Variants in GSDMC observed in about 807,000 individuals in gnomAD.
GSDMC encodes gasdermin-C.
In GSDMC, 59 loss-of-function variants were observed where a neutral mutation model predicts 58.0. The observed-to-expected ratio is 1.02, with a 90% CI of 0.82 to 1.26. The LOEUF is 1.26. Ranked by LOEUF, GSDMC falls within the 50% of genes most tolerant of loss-of-function variation. The probability of loss-of-function intolerance (pLI) is 0.00; values close to 1 mark genes in which losing one functional copy is unlikely to be tolerated. For missense variants in GSDMC, 659 were observed against 598.5 expected, an observed-to-expected ratio of 1.10 and a Z score of -1.06; for synonymous variants, 241 against 220.2, an observed-to-expected ratio of 1.09 and a Z score of -0.83.
the GSDMC span, among the ~76,000 whole-genome samples, chr8:129,717,460 C>T: frequency 6.6e-6 from 1 of 151,858 alleles, no homozygotes; most frequent in East Asian, 1.9e-4. Flanking sequence ...TACCAGCTTA[C>T]AAGGGATGTG....
intron 7 of GSDMC, among the ~76,000 whole-genome samples, chr8:129,752,457 G>T (rs1416733969): frequency 1.3e-5 from 2 of 152,196 alleles, no homozygotes; most frequent in African/African-American, 2.4e-5. Flanking sequence ...CTGGGGGAAT[G>T]TTCTCTGTGG....
the GSDMC span, among the ~76,000 whole-genome samples, chr8:129,736,673 A>C: frequency 6.6e-6 from 1 of 152,236 alleles, no homozygotes; most frequent in African/African-American, 2.4e-5. Context: ...ACAAACCCAC[A>C]GCCAATATCA....
chr8:129,741,915 A>ACTAT, the GSDMC span, among the ~76,000 whole-genome samples: 1 of 126,272 alleles, frequency 7.9e-6, no homozygotes, highest in East Asian at 2.6e-4. Flanking sequence ...AAGAAAATGT[A>ACTAT]ATATATATAT....
the GSDMC span, among the ~76,000 whole-genome samples, chr8:129,716,408 GCTCT>G: frequency 2.6e-5 from 4 of 152,128 alleles, no homozygotes; most frequent in African/African-American, 9.6e-5. Flanking sequence ...TCATGATTTG[GCTCT>G]CTGTTTGTCT....
At chr8:129,762,179 G>C (rs1339652485) in intron 5 of GSDMC, among the ~76,000 whole-genome samples, 4 of 152,154 alleles carry the variant, frequency 2.6e-5, no homozygotes. Context: ...TCTGACTTAT[G>C]TTCTTAGGAC....
At position 129,786,048 on chromosome 8, in the gene GSDMC, G is replaced by A. The variant is rs2034546238; in HGVS notation, c.-42C>T. 6.6e-6 allele frequency: 1 copy of A among 152,162 alleles called. No individual in the cohort carries two copies. The highest frequency in any genetic ancestry group is 1.5e-5 in the Non-Finnish European group (1 of 68,080). The allele number at this position is 152,162 out of a possible 1,614,324, so 9.4% of individuals were successfully genotyped here. On this transcript the variant is annotated 5_prime_UTR_variant, in exon 1 of 14. Transcript: ENST00000276708. ...CCCTTTGTCCTGTAGAGAAATAGCA[G>A]GATTGGCCGGGCACGGTGGCTCACG... is the stretch of plus-strand genomic sequence containing the variant.
the GSDMC span, among the ~76,000 whole-genome samples, chr8:129,721,601 GAT>G: frequency 0.37 from 55,876 of 151,884 alleles, 13,836 homozygotes; most frequent in East Asian, 0.71. Context: ...CTCTCATAAA[GAT>G]AATAATTTGT....
At chr8:129,725,396 T>G in the GSDMC span, among the ~76,000 whole-genome samples, 6 of 152,204 alleles carry the variant, frequency 3.9e-5, no homozygotes, top group African/African-American at 1.2e-4. Context: ...GAGTTGATAT[T>G]GTGTACTCTG....
chr8:129,762,506 C>T, intron 5 of GSDMC, 120 bp downstream of exon 5: 1 of 725,326 alleles, frequency 1.4e-6, no homozygotes, highest in Non-Finnish European at 2.5e-6. Context: ...GCATGCTTCT[C>T]CTTGGATAGG....
chr8:129,743,382 T>C (rs1229916738), downstream of GSDMC, among the ~76,000 whole-genome samples: 1 of 152,212 alleles, frequency 6.6e-6, no homozygotes, highest in Non-Finnish European at 1.5e-5. Context: ...AGTGTATTTT[T>C]ATTTCACACA....
intron 3 of GSDMC, among the ~76,000 whole-genome samples, chr8:129,771,640 A>G (rs1227148665): frequency 2.0e-5 from 3 of 152,006 alleles, no homozygotes; most frequent in African/African-American, 4.8e-5. Context: ...ATCAAAACTT[A>G]TGGGATACAA....
intron 1 of GSDMC, among the ~76,000 whole-genome samples, chr8:129,779,412 A>G (rs1261024874): frequency 6.6e-6 from 1 of 152,134 alleles, no homozygotes; most frequent in African/African-American, 2.4e-5. Context: ...GAGAACACAT[A>G]GACTCATGGA....
At chr8:129,728,000 C>G in the GSDMC span, among the ~76,000 whole-genome samples, 17 of 152,144 alleles carry the variant, frequency 1.1e-4, no homozygotes, top group Non-Finnish European at 2.4e-4. Context: ...GCAGGGCCCT[C>G]TCCACTCCAC....
chr8:129,757,716 G>A (rs2033497135), intron 6 of GSDMC, among the ~76,000 whole-genome samples: 1 of 152,064 alleles, frequency 6.6e-6, no homozygotes, highest in South Asian at 2.1e-4. Context: ...TTACAGCCAG[G>A]TGTCATGATC....
At chr8:129,769,214 C>A (rs1160828445) in intron 3 of GSDMC, among the ~76,000 whole-genome samples, 2 of 151,924 alleles carry the variant, frequency 1.3e-5, no homozygotes, top group African/African-American at 4.8e-5. Flanking sequence ...AGGGTCTACA[C>A]CAAGACACGT....
intron 1 of GSDMC, among the ~76,000 whole-genome samples, chr8:129,785,112 G>A (rs1477607440): frequency 6.6e-6 from 1 of 152,160 alleles, no homozygotes; most frequent in Non-Finnish European, 1.5e-5. Flanking sequence ...TTGGGAGGCT[G>A]AGGCAGGAGA....
At chr8:129,716,214 T>C in the GSDMC span, among the ~76,000 whole-genome samples, 1 of 152,098 alleles carries the variant, frequency 6.6e-6, no homozygotes, top group Non-Finnish European at 1.5e-5. Flanking sequence ...GGCAGAGATT[T>C]TCAGAATGTG....
the GSDMC span, chr8:129,729,278 G>C: frequency 1.6e-6 from 1 of 610,808 alleles, no homozygotes; most frequent in Non-Finnish European, 3.1e-6. Flanking sequence ...CAGTATTGGG[G>C]GTTCAGAAGC....
chr8:129,776,738 C>CTGCTGTTGTTGTTGTTGT lies in GSDMC; in HGVS notation c.221-454_221-453insACAACAACAACAACAGCA, dbSNP rs774217991. ...TAACTGTTTTTTTGTTTGGTTTTTG[C>CTGCTGTTGTTGTTGTTGT]TGTTGTTGTTGTTGTTGTTGTTTTT... On this transcript the variant is annotated intron_variant, in intron 2 of 13. Transcript: ENST00000276708. Among the ~76,000 whole-genome samples the CTGCTGTTGTTGTTGTTGT allele has an allele frequency of 7.6e-3, 1,147 of 151,004 alleles. 12 individuals carry two copies. The highest frequency in any genetic ancestry group is 0.025 in the African/African-American group (1,042 of 40,990).
Sources: allele counts gnomAD v4.1 joint callset (sites outside exome capture counted in the v4.1 genomes callset), GRCh38; gene constraint gnomAD v4.1.1; transcripts MANE v1.5; gene names NCBI Gene and HGNC (gene_info 2026-07-23, HGNC 2026-07-21).